Variants in LYRM9 observed in about 807,000 individuals in gnomAD.
The protein encoded by LYRM9 is LYR motif-containing protein 9.
In LYRM9, 14 loss-of-function variants were observed where a neutral mutation model predicts 12.6. The observed-to-expected ratio is 1.11, with a 90% confidence interval of 0.73 to 1.73. The LOEUF (loss-of-function observed/expected upper bound fraction) is 1.73. Among genes scored for constraint, LYRM9 ranks in the 40% most tolerant of loss-of-function variants. The probability of loss-of-function intolerance (pLI) is 0.00; values close to 1 mark genes in which losing one functional copy is unlikely to be tolerated. For synonymous variants in LYRM9, 42 were observed against 35.1 expected (o/e 1.20, Z -0.69); for missense variants, 94 against 95.0 (o/e 0.99, Z 0.04).
chr17:27,882,178 T>C (rs971702611), intron 2 of LYRM9, among the ~76,000 whole-genome samples: 1 of 152,202 alleles, frequency 6.6e-6, no homozygotes, highest in Non-Finnish European at 1.5e-5. Context: ...TTCACGACAC[T>C]GACATTTTTG....
intron 1 of LYRM9, among the ~76,000 whole-genome samples, chr17:27,884,626 G>T (rs1321922003): frequency 6.6e-6 from 1 of 152,156 alleles, no homozygotes; most frequent in South Asian, 2.1e-4. Context: ...GCAGTGCCCC[G>T]CTCATGGTGC....
At chr17:27,887,526 C>A (rs1052774503) in intron 1 of LYRM9, among the ~76,000 whole-genome samples, 4 of 152,210 alleles carry the variant, frequency 2.6e-5, no homozygotes, top group East Asian at 1.9e-4. Context: ...CCCCTACCTA[C>A]CCCTCATCTG....
At position 27,878,984 on chromosome 17, in the gene LYRM9, G is replaced by T; in HGVS notation, c.*489C>A. On this transcript the variant is annotated 3_prime_UTR_variant, in exon 4 of 4. Transcript: ENST00000379102. ...CGGGGCAGGACGGCTTCCTTGAAGG[G>T]AGCCCTTCAGGCACTGTCATGTGCC... 6.4e-6 allele frequency: 1 copy of T among 155,536 alleles called. No homozygotes were observed. The highest frequency in any genetic ancestry group is 1.4e-5 in the Non-Finnish European group (1 of 70,162). The allele number at this position is 155,536 out of a possible 1,614,324, so 9.6% of individuals were successfully genotyped here.
intron 1 of LYRM9, among the ~76,000 whole-genome samples, chr17:27,887,871 G>A (rs776495206): frequency 1.6e-4 from 25 of 152,278 alleles, no homozygotes; most frequent in South Asian, 2.1e-4. Flanking sequence ...GCTGGAAGCT[G>A]CTGTAGAACC....
intron 1 of LYRM9, among the ~76,000 whole-genome samples, chr17:27,888,772 C>T (rs1477224394): frequency 6.6e-6 from 1 of 152,150 alleles, no homozygotes. Context: ...ACACACCTGG[C>T]AGGAAGTCAC....
chr17:27,880,782 C>A, intron 2 of LYRM9: 1 of 194,094 alleles, frequency 5.2e-6, no homozygotes, highest in South Asian at 1.1e-4. Flanking sequence ...TAGGACTTCT[C>A]TCGGCCCAGT....
At chr17:27,880,605 A>C (rs1905018366) in intron 2 of LYRM9, 2 of 555,242 alleles carry the variant, frequency 3.6e-6, no homozygotes, top group Admixed American at 3.2e-5. Flanking sequence ...TCCTGCCACC[A>C]AGGTAGGTGC....
intron 1 of LYRM9, among the ~76,000 whole-genome samples, chr17:27,885,861 T>C (rs1239951761): frequency 1.3e-5 from 2 of 152,170 alleles, no homozygotes; most frequent in Admixed American, 6.5e-5. Context: ...CAAAGGGTAC[T>C]AACTGATGGA....
chr17:27,888,001 A>G (rs1905294996), intron 1 of LYRM9, among the ~76,000 whole-genome samples: 2 of 152,140 alleles, frequency 1.3e-5, no homozygotes, highest in South Asian at 2.1e-4. Flanking sequence ...CATATTATAG[A>G]GGGCTGTGTG....
chr17:27,885,347 T>C (rs922038579), intron 1 of LYRM9, among the ~76,000 whole-genome samples: 6 of 152,144 alleles, frequency 3.9e-5, no homozygotes, highest in African/African-American at 1.4e-4. Flanking sequence ...CCTTGCCTCC[T>C]CTAGAAGCCT....
At chr17:27,880,431 C>A in intron 2 of LYRM9, 65 bp from the exon 3 acceptor site, 1 of 1,206,916 alleles carries the variant, frequency 8.3e-7, no homozygotes, top group South Asian at 1.3e-5. Context: ...CTTCAGAGCA[C>A]CAATCACAGG....
At chr17:27,892,178 C>T in intron 1 of LYRM9, 1 of 194,306 alleles carries the variant, frequency 5.1e-6, no homozygotes, top group Non-Finnish European at 1.1e-5. Context: ...GATCCTCTTT[C>T]CTCAGCCTCC....
chr17:27,889,813 C>T (rs1028897405), intron 1 of LYRM9, among the ~76,000 whole-genome samples: 6 of 152,106 alleles, frequency 3.9e-5, no homozygotes, highest in African/African-American at 1.4e-4. Context: ...TCAACTACGC[C>T]ATGCCATTCA....
intron 3 of LYRM9, chr17:27,880,010 C>G (rs1904990980): frequency 1.5e-6 from 1 of 651,350 alleles, no homozygotes; most frequent in Non-Finnish European, 2.7e-6. Context: ...CCTGCTGCCC[C>G]CTCTCAGCTC....
In LYRM9 at chr17:27,886,579, A is replaced by G. The variant is rs1905237521; in HGVS notation, c.-18-3867T>C. Among the ~76,000 whole-genome samples, 1 of 151,730 alleles carries G rather than the reference A, an allele frequency of 6.6e-6. No homozygotes were observed. The highest frequency in any genetic ancestry group is 1.5e-5 in the Non-Finnish European group (1 of 67,958). On this transcript the variant is annotated intron_variant, in intron 1 of 3. Transcript: ENST00000379102. This position sits in a 1 kb window ranked among gnomAD's most constrained non-coding sequence, Gnocchi z 4.8. Reference sequence around the variant, plus strand: ...CTTCCCAGGCAACCAAACCAAAATCATCACAGTCAACCCAGGTTCCTCCTT... The same window carrying G: ...CTTCCCAGGCAACCAAACCAAAATCGTCACAGTCAACCCAGGTTCCTCCTT...
intron 1 of LYRM9, among the ~76,000 whole-genome samples, chr17:27,884,513 T>C (rs948988182): frequency 4.6e-5 from 7 of 152,342 alleles, no homozygotes; most frequent in African/African-American, 1.4e-4. Context: ...GTGAGGAACC[T>C]TGTTCATCCT....
chr17:27,889,150 G>C (rs1193959813), intron 1 of LYRM9, among the ~76,000 whole-genome samples: 1 of 152,060 alleles, frequency 6.6e-6, no homozygotes, highest in African/African-American at 2.4e-5. Context: ...ACAACAGTTT[G>C]GCCATGCTCT....
rs996540208 is a variant in LYRM9, at chr17:27,886,640, CTTT to C, written c.-18-3931_-18-3929del. 3.3e-4 allele frequency among the ~76,000 whole-genome samples: 39 copies of C among 119,790 alleles called. No individual in the cohort carries two copies. Among genetic ancestry groups the C allele is most frequent in the African/African-American group, 1.4e-3 (39 of 28,268 alleles). 78.6% of individuals were successfully genotyped at this position (119,790 alleles called of 152,430 possible). A position where few individuals can be genotyped will look rare whatever the true frequency, so the allele number is the denominator to read the frequency against. ...CCCATGCCACTGGTTTCTTTCTTTT[CTTT>C]TCTTTTTTTATTTTTTTTTTTTTGA... On this transcript the variant is annotated intron_variant, in intron 1 of 3. Transcript: ENST00000379102. The surrounding 1 kb of genome is among the most constrained non-coding windows in gnomAD (Gnocchi z 4.8).
chr17:27,891,993 A>G (rs1249660514), intron 1 of LYRM9: 1 of 149,208 alleles, frequency 6.7e-6, no homozygotes, highest in African/African-American at 2.5e-5. Context: ...GTACAGTAGC[A>G]TGATCAGGGA....
Sources: gnomAD v4.1 joint callset for allele counts (sites outside exome capture counted in the v4.1 genomes callset) on GRCh38, gnomAD v4.1.1 for gene constraint, Gnocchi (gnomAD v3.1) non-coding constraint, MANE v1.5 for transcripts, NCBI Gene and HGNC (gene_info 2026-07-23, HGNC 2026-07-21) for gene names.